Variants in RHBDF1 observed in about 807,000 individuals in gnomAD.
The protein encoded by RHBDF1 is inactive rhomboid protein 1.
A neutral mutation model predicts 98.6 loss-of-function variants in RHBDF1; 80 were observed. The observed-to-expected ratio is 0.81, with a 90% CI of 0.68 to 0.98. The LOEUF is 0.98. Among genes scored for constraint, RHBDF1 ranks in the 50% least tolerant of loss-of-function variants. The pLI is 0.00. For missense variants in RHBDF1, 1,116 were observed against 1,198.3 expected, an observed-to-expected ratio of 0.93 and a Z score of 1.01; for synonymous variants, 512 against 486.8, an observed-to-expected ratio of 1.05 and a Z score of -0.68.
Position 60,472 on chromosome 16 carries a change from C to G in RHBDF1, c.1625G>C (p.Arg542Thr). The change falls in exon 12 of 18, where the codon AGA becomes ACA. Residue 542 changes from arginine to threonine, a missense_variant. By Grantham distance (71) the Arg-to-Thr change is moderately conservative. Transcript: ENST00000262316. Reference protein sequence around the residue: ...PSAPELAGHKRQFGSVCHQDP... With the variant: ...PSAPELAGHKTQFGSVCHQDP... Reference sequence around the variant, plus strand: ...CTGGTGGCAGACAGAGCCAAACTGTCTCTTGTGGCCCGCAAGCTCTGGGGC... The same window carrying G: ...CTGGTGGCAGACAGAGCCAAACTGTGTCTTGTGGCCCGCAAGCTCTGGGGC... 6.2e-7 allele frequency: 1 copy of G among 1,612,272 alleles called. No individual in the cohort carries two copies.
At chr16:65,280 T>G (rs949785820) in intron 1 of RHBDF1, among the ~76,000 whole-genome samples, 12 of 152,356 alleles carry the variant, frequency 7.9e-5, no homozygotes, top group Admixed American at 7.2e-4. Flanking sequence ...GACAACTATC[T>G]GAGCACACAC....
chr16:66,550 G>A (rs1473200374), intron 1 of RHBDF1, among the ~76,000 whole-genome samples: 1 of 152,160 alleles, frequency 6.6e-6, no homozygotes, highest in Non-Finnish European at 1.5e-5. Flanking sequence ...GCCCCTACTG[G>A]TCCTACAGGG....
chr16:58,376 GA>G lies in RHBDF1; in HGVS notation c.2531del (p.Phe844SerfsTer83). 6.2e-7 allele frequency: 1 copy of G among 1,613,722 alleles called. No individual in the cohort carries two copies. Among genetic ancestry groups the G allele is most frequent in the Non-Finnish European group, 8.5e-7 (1 of 1,180,008 alleles). On this transcript the variant is annotated frameshift_variant, in exon 18 of 18. Transcript: ENST00000262316. LOFTEE classifies it high-confidence loss of function. Reference protein sequence around the residue: ...FLTCIPFTDKFCEKYELDAQL... With the variant: ...FLTCIPFTDKXCEKYELDAQL... ...GAGCGTCCAGTTCGTACTTCTCACA[GA>G]ACTTGTCAGTGAAGGGGATGCAGGT...
intron 9 of RHBDF1, 25 bp from the exon 10 acceptor site, chr16:61,484 G>C (rs751333612): frequency 6.2e-7 from 1 of 1,612,178 alleles, no homozygotes; most frequent in Non-Finnish European, 8.5e-7. Context: ...AGCGGGATCA[G>C]ACGGGCCCCG....
rs1034695549 is a variant in RHBDF1, at chr16:62,452, C to T, written c.953+86G>A. 6 of 1,526,198 alleles carry T rather than the reference C, an allele frequency of 3.9e-6. No homozygotes were observed. The Admixed American group carries it at 1.0e-4, about 27-fold the overall frequency. The allele number at this position is 1,526,198 out of a possible 1,614,324, so 94.5% of individuals were successfully genotyped here. ...CTGAGGCTACCCCTTCCATCGCCCA[C>T]AGAGGTGAATGCCGATACTCGCCCA... On this transcript the variant is annotated intron_variant, in intron 7 of 17. Coordinates refer to ENST00000262316, the MANE Select transcript of RHBDF1 (RefSeq NM_022450.5).
chr16:70,868 A>G (rs1422741917), intron 1 of RHBDF1, among the ~76,000 whole-genome samples: 3 of 152,222 alleles, frequency 2.0e-5, no homozygotes, highest in Non-Finnish European at 4.4e-5. Context: ...CATCAGGGGC[A>G]TCTCAGTTGA....
intron 4 of RHBDF1, 57 bp from the exon 5 acceptor site, chr16:63,239 G>A: frequency 7.2e-7 from 1 of 1,395,162 alleles, no homozygotes; most frequent in South Asian, 1.3e-5. Context: ...AGCTCACCCA[G>A]AGGCACAGAG....
chr16:59,648 C>A, intron 14 of RHBDF1, 84 bp downstream of exon 14: 1 of 1,537,634 alleles, frequency 6.5e-7, no homozygotes, highest in South Asian at 1.2e-5. Flanking sequence ...TGGCTTATTT[C>A]AGGATTTGGT....
At chr16:61,005 G>A in intron 11 of RHBDF1, 115 bp downstream of exon 11, 1 of 1,199,260 alleles carries the variant, frequency 8.3e-7, no homozygotes, top group South Asian at 1.5e-5. Context: ...TTGCGCGTAA[G>A]GACGGCGGGA....
chr16:61,948 C>G lies in RHBDF1; in HGVS notation c.1058G>C (p.Gly353Ala), dbSNP rs1897645571. The G allele has an allele frequency of 6.3e-7, 1 of 1,596,532 alleles. No homozygotes were observed. The highest frequency in any genetic ancestry group is 1.3e-5 in the African/African-American group (1 of 74,798). ...GCGCACCGGCACCGCGATACGCTGG[C>G]CCCGTCGCGGCCCCGCGGTGCTCAC... ...EVVSTAGPRRGQRIAVPVRKL... is the reference protein window; with the variant it reads ...EVVSTAGPRRAQRIAVPVRKL... The change falls in exon 8 of 18, where the codon GGC becomes GCC. Residue 353 changes from glycine (G) to alanine (A), a missense_variant. Coordinates refer to ENST00000262316, the MANE Select transcript of RHBDF1 (RefSeq NM_022450.5).
chr16:58,813 AC>A (rs1458829785), intron 17 of RHBDF1, 54 bp from the exon 18 acceptor site: 1 of 1,578,010 alleles, frequency 6.3e-7, no homozygotes, highest in African/African-American at 1.3e-5. Flanking sequence ...GGCCCCCTGG[AC>A]CCAAGGCCTC....
At position 63,036 on chromosome 16, in the gene RHBDF1, C is replaced by T. The variant is rs764071967; in HGVS notation, c.609G>A (p.Pro203=). 7.4e-6 allele frequency: 12 copies of T among 1,612,688 alleles called. No individual in the cohort carries two copies. In the East Asian group the frequency reaches 1.6e-4, roughly 21 times the overall value. Residue 203 remains proline (P), a synonymous_variant, in exon 5 of 18, where the codon CCG becomes CCA. Transcript: ENST00000262316. ...SSSRSGFHRL[P]RRRKRESVAK... is the part of the protein sequence containing the mutation. ...CCACCGACTCTCGCTTGCGCCGCCG[C>T]GGGAGCCGGTGGAAACCTGAGCGGG...
chr16:71,748 C>G (rs1398292970), intron 1 of RHBDF1, among the ~76,000 whole-genome samples: 2 of 152,224 alleles, frequency 1.3e-5, no homozygotes, highest in Non-Finnish European at 2.9e-5. Flanking sequence ...GATCCCCTGC[C>G]CATTCCCCGC....
At chr16:63,440 AGGT>A (rs1187984841) in intron 4 of RHBDF1, 144 bp downstream of exon 4, 8 of 718,556 alleles carry the variant, frequency 1.1e-5, no homozygotes, top group African/African-American at 3.6e-5. Context: ...AGACTGTTTC[AGGT>A]GCCTTCACGA....
At chr16:76,083 G>A (rs189434027), upstream of RHBDF1, among the ~76,000 whole-genome samples, 393 of 152,288 alleles carry the variant, frequency 2.6e-3, 1 homozygote, top group African/African-American at 9.0e-3. Context: ...GAGGTCGGGG[G>A]TCAGGGCTGC....
rs147906988 is a variant in RHBDF1, at chr16:64,775, G to C, written c.172C>G (p.His58Asp). The change falls in exon 3 of 18, where the codon CAC becomes GAC. Residue 58 changes from histidine (H) to aspartate (D), a missense_variant. By Grantham distance (81) the His-to-Asp change is moderately conservative (BLOSUM62 -1). Transcript: ENST00000262316. ...AGCTCATGGTGGGGTGAAGAGATGT[G>C]GGCTGTCTCGGCTGGCATACTCACA... The part of the protein sequence containing the change: ...RSVSMPAETA[H>D]ISSPHHELRR... 6.2e-6 allele frequency: 10 copies of C among 1,614,068 alleles called. No individual in the cohort carries two copies. In the South Asian group the frequency reaches 8.8e-5, roughly 14 times the overall value.
chr16:65,944 G>A lies in RHBDF1; in HGVS notation c.-24-905C>T, dbSNP rs193036512. ...GGCTCTACCATGACATGCCAGGCAC[G>A]GGGCCAGGGCCCCACGGAAGGCCCC... On this transcript the variant is annotated intron_variant, in intron 1 of 17. Transcript: ENST00000262316. Among the ~76,000 whole-genome samples the A allele has an allele frequency of 5.3e-5, 8 of 152,356 alleles. No individual in the cohort carries two copies. In the East Asian group the frequency reaches 1.2e-3, roughly 22 times the overall value.
chr16:63,966 A>C (rs1333547045), intron 3 of RHBDF1, 166 bp from the exon 4 acceptor site: 2 of 760,776 alleles, frequency 2.6e-6, no homozygotes, highest in African/African-American at 3.5e-5. Flanking sequence ...GGTTCCAGCC[A>C]CCCCCTGAAC....
chr16:59,502 G>A lies in RHBDF1; in HGVS notation c.1818-8C>T, dbSNP rs202148919. ...CGGGAGGTGATCTCACACCTAGAAAGGCAGGCCAGGGTTCGGAGACTGCTG... is the reference window on the plus strand; with the variant it reads ...CGGGAGGTGATCTCACACCTAGAAAAGCAGGCCAGGGTTCGGAGACTGCTG... On this transcript the variant is annotated splice_region_variant and splice_polypyrimidine_tract_variant and intron_variant, in intron 14 of 17. Coordinates refer to ENST00000262316, the MANE Select transcript of RHBDF1 (RefSeq NM_022450.5). 1.4e-5 allele frequency: 23 copies of A among 1,612,492 alleles called. No individual in the cohort carries two copies. In the African/African-American group the frequency reaches 2.0e-4, roughly 14 times the overall value.
Sources: gnomAD v4.1 joint callset for allele counts (sites outside exome capture counted in the v4.1 genomes callset) on GRCh38, gnomAD v4.1.1 for gene constraint, MANE v1.5 for transcripts, NCBI Gene and HGNC (gene_info 2026-07-23, HGNC 2026-07-21) for gene names.